The following EEF1D variants were observed in gnomAD, a reference collection of about 807,000 sequenced individuals.
EEF1D encodes elongation factor 1-delta.
EEF1D carries 47 observed loss-of-function variants against 63.9 expected under a neutral mutation model. The ratio of observed to expected loss-of-function variants is 0.74; its 90% CI spans 0.58 to 0.94. The LOEUF is 0.94. Among genes scored for constraint, EEF1D ranks in the 40% least tolerant of loss-of-function variants. EEF1D has a pLI of 0.00. For synonymous variants in EEF1D, 412 were observed against 386.1 expected (o/e 1.07, Z -0.79); for missense variants, 907 against 899.0 (o/e 1.01, Z -0.11).
At chr8:143,586,879 C>T (rs1296914352) in intron 3 of EEF1D, 27 bp from the exon 4 acceptor site, 2 of 1,611,542 alleles carry the variant, frequency 1.2e-6, no homozygotes, top group South Asian at 1.1e-5. Context: ...GCAAAGTCAG[C>T]ATGGCTGGGA....
intron 2 of EEF1D, chr8:143,590,661 T>G (rs1827790842): frequency 4.1e-5 from 37 of 906,564 alleles, no homozygotes; most frequent in Non-Finnish European, 4.9e-5. Flanking sequence ...TCCCAACACT[T>G]TGGGAGGCCG....
At chr8:143,587,666 A>G (rs1826964601) in intron 3 of EEF1D, 1 of 152,282 alleles carries the variant, frequency 6.6e-6, no homozygotes, top group African/African-American at 2.4e-5. Context: ...GTAAAAATCA[A>G]TAGATACAAT....
intron 3 of EEF1D, 130 bp downstream of exon 3, chr8:143,588,861 T>G (rs964480539): frequency 7.9e-7 from 1 of 1,258,946 alleles, no homozygotes; most frequent in South Asian, 1.5e-5. Flanking sequence ...TCAACTCTGC[T>G]GGGCCCACGG....
chr8:143,585,932 G>C (rs1442858824), intron 5 of EEF1D: 1 of 424,482 alleles, frequency 2.4e-6, no homozygotes, highest in African/African-American at 2.0e-5. Context: ...GTGCCCACAG[G>C]ACACCCTGCA....
At position 143,579,844 on chromosome 8, in the gene EEF1D, G is replaced by C; in HGVS notation, c.1906-14C>G. The C allele has an allele frequency of 6.4e-7, 1 of 1,554,840 alleles. No homozygotes were observed. Among genetic ancestry groups the C allele is most frequent in the Non-Finnish European group, 8.7e-7 (1 of 1,148,278 alleles). On this transcript the variant is annotated splice_polypyrimidine_tract_variant and intron_variant, in intron 9 of 9. Coordinates refer to ENST00000618139, the MANE Select transcript of EEF1D (RefSeq NM_001130053.5). ...GACACTCTGCACCTGAGGAGAGGCG[G>C]AGGGTGACGGTCAGGGCTGTTCCCC...
At chr8:143,593,762 G>T in intron 1 of EEF1D, 2 of 687,912 alleles carry the variant, frequency 2.9e-6, no homozygotes, top group Non-Finnish European at 3.6e-6. Flanking sequence ...CACCTGGGGA[G>T]CTGGCCACTA....
Position 143,589,992 on chromosome 8 carries a change from G to T in EEF1D, c.90C>A (p.His30Gln). 1 of 1,599,496 alleles carries T rather than the reference G, an allele frequency of 6.3e-7. No homozygotes were observed. ...YEEAERRFYE[H>Q]EATQAAASAQ... is the part of the protein sequence containing the mutation. ...CGGAGGCGGCCGCCTGTGTGGCCTC[G>T]TGTTCGTAGAAGCGCCGCTCGGCCT... Residue 30 changes from histidine to glutamine, a missense_variant, in exon 3 of 10, where the codon CAC (histidine) becomes CAA (glutamine). By Grantham distance (24) the His-to-Gln change is conservative. Coordinates refer to ENST00000618139, the MANE Select transcript of EEF1D (RefSeq NM_001130053.5).
chr8:143,587,254 T>TAA (rs548705673), intron 3 of EEF1D: 2 of 152,422 alleles, frequency 1.3e-5, no homozygotes, highest in Non-Finnish European at 2.9e-5. Context: ...GTATTTCTCA[T>TAA]AAAAAAAAAA....
At chr8:143,593,855 A>G (rs6995338) in intron 1 of EEF1D, 885,234 of 985,166 alleles carry the variant, frequency 0.9, 401,897 homozygotes, top group Non-Finnish European at 0.93. Context: ...CGCTTCCCGC[A>G]TTCCCAAGCA....
intron 5 of EEF1D, chr8:143,585,946 G>A: frequency 2.3e-6 from 1 of 437,806 alleles, no homozygotes; most frequent in Non-Finnish European, 4.1e-6. Flanking sequence ...CCCTGCAAAT[G>A]GCACCACTCA....
intron 2 of EEF1D, chr8:143,590,484 A>C: frequency 8.9e-7 from 1 of 1,124,188 alleles, no homozygotes; most frequent in Non-Finnish European, 1.2e-6. Context: ...CTTTCCCTGC[A>C]TTTTTCCACA....
Position 143,589,036 on chromosome 8 carries a change from C to T in EEF1D, c.1046G>A (p.Arg349Gln), listed in dbSNP as rs201635089. 2.5e-6 allele frequency: 4 copies of T among 1,603,668 alleles called. No homozygotes were observed. The highest frequency in any genetic ancestry group is 1.7e-5 in the Admixed American group (1 of 59,880). The change falls in exon 3 of 10, where the codon CGA becomes CAA. Residue 349 changes from arginine (R) to glutamine (Q), a missense_variant. Physicochemically the swap from Arg to Gln is conservative, Grantham distance 43. Transcript: ENST00000618139. Reference sequence around the variant, plus strand: ...GGACAGGCCAGACCGAGGACCGGGTCGGTGAGACAGGGAGGCAGCTTCGAG... The same window carrying T: ...GGACAGGCCAGACCGAGGACCGGGTTGGTGAGACAGGGAGGCAGCTTCGAG... ...WCLEAASLSH[R>Q]PGPRSGLSVS...
At chr8:143,595,496 G>A (rs1024753883) in intron 1 of EEF1D, among the ~76,000 whole-genome samples, 13 of 152,142 alleles carry the variant, frequency 8.5e-5, no homozygotes, top group Admixed American at 2.6e-4. Context: ...GAGCCACCAC[G>A]CCCAGCCGCC....
At chr8:143,586,409 G>C in intron 4 of EEF1D, 119 bp from the exon 5 acceptor site, 1 of 1,010,124 alleles carries the variant, frequency 9.9e-7, no homozygotes, top group African/African-American at 1.6e-5. Context: ...GTACTGCACA[G>C]AACGAGAGCT....
intron 4 of EEF1D, 28 bp downstream of exon 4, chr8:143,586,701 G>A (rs199514743): frequency 1.6e-5 from 26 of 1,607,164 alleles, no homozygotes; most frequent in African/African-American, 2.7e-5. Context: ...CAGCAGAGCC[G>A]CCCAGCCGCC....
chr8:143,593,304 C>T (rs1828280443), intron 1 of EEF1D, among the ~76,000 whole-genome samples: 1 of 152,228 alleles, frequency 6.6e-6, no homozygotes, highest in Admixed American at 6.5e-5. Flanking sequence ...ACAGGACCTC[C>T]ACCCAGTTCA....
At position 143,589,274 on chromosome 8, in the gene EEF1D, C is replaced by T. The variant is rs1466293890; in HGVS notation, c.808G>A (p.Gly270Ser). 1 of 1,588,876 alleles carries T rather than the reference C, an allele frequency of 6.3e-7. No individual in the cohort carries two copies. The highest frequency in any genetic ancestry group is 8.6e-7 in the Non-Finnish European group (1 of 1,166,926). ...RLQERAGLAE[G>S]ARRGRRDRRG... is the part of the protein sequence containing the mutation. ...CGGTCTCTGCGGCCCCGCCGGGCAC[C>T]CTCGGCCAGGCCGGCTCGCTCTTGC... The change falls in exon 3 of 10, where the codon GGT (glycine) becomes AGT (serine). Residue 270 changes from glycine (G) to serine (S), a missense_variant. Physicochemically the swap from Gly to Ser is moderately conservative, Grantham distance 56. Transcript: ENST00000618139.
At chr8:143,588,878 G>C in intron 3 of EEF1D, 113 bp downstream of exon 3, 1 of 1,395,958 alleles carries the variant, frequency 7.2e-7, no homozygotes, top group South Asian at 1.4e-5. Flanking sequence ...ACGGGTCTCG[G>C]GGAGCCCCCA....
At chr8:143,585,097 A>C (rs13256702) in intron 5 of EEF1D, among the ~76,000 whole-genome samples, 3,654 of 152,218 alleles carry the variant, frequency 0.024, 81 homozygotes, top group Non-Finnish European at 0.04. Context: ...AAATGAGACA[A>C]TGAGAATCTC....
Sources: gnomAD v4.1 joint callset for allele counts (sites outside exome capture counted in the v4.1 genomes callset) on GRCh38, gnomAD v4.1.1 for gene constraint, MANE v1.5 for transcripts, NCBI Gene and HGNC (gene_info 2026-07-23, HGNC 2026-07-21) for gene names.